The following ITGA1 variants were observed in gnomAD, a reference collection of about 807,000 sequenced individuals.
ITGA1 encodes integrin subunit alpha 1, also known as integrin alpha-1.
In ITGA1, 85 loss-of-function variants were observed where a neutral mutation model predicts 145.9. The ratio of observed to expected loss-of-function variants is 0.58; its 90% CI spans 0.49 to 0.70. The LOEUF (loss-of-function observed/expected upper bound fraction) is 0.70. Ranked by LOEUF, ITGA1 falls within the 30% of genes least tolerant of loss-of-function variation. ITGA1 has a pLI of 0.00. For missense variants in ITGA1, 1,351 were observed against 1,418.7 expected, an observed-to-expected ratio of 0.95 and a Z score of 0.77; for synonymous variants, 520 against 495.3, an observed-to-expected ratio of 1.05 and a Z score of -0.66.
intron 6 of ITGA1, among the ~76,000 whole-genome samples, chr5:52,877,864 G>T (rs1749891957): frequency 6.6e-6 from 1 of 152,196 alleles, no homozygotes; most frequent in Admixed American, 6.5e-5. Flanking sequence ...GGAATGCAGG[G>T]ACACAGTTGA....
chr5:52,848,392 T>A (rs756799345), intron 1 of ITGA1, among the ~76,000 whole-genome samples: 1 of 152,234 alleles, frequency 6.6e-6, no homozygotes, highest in Non-Finnish European at 1.5e-5. Context: ...CAGGGCTCAC[T>A]GCTGGAAAAC....
chr5:52,860,402 C>G lies in ITGA1; in HGVS notation c.183-1045C>G, dbSNP rs181558984. On this transcript the variant is annotated intron_variant, in intron 2 of 28. Coordinates refer to ENST00000282588, the MANE Select transcript of ITGA1 (RefSeq NM_181501.2). ...CTTTACTAAAAATACAAAAATTAGT[C>G]GGGCGTGGTGGCGTGCACCTGTAGT... 2.4e-3 allele frequency among the ~76,000 whole-genome samples: 361 copies of G among 151,884 alleles called. 4 individuals carry two copies. The highest frequency in any genetic ancestry group is 8.5e-3 in the African/African-American group (351 of 41,428).
intron 15 of ITGA1, among the ~76,000 whole-genome samples, chr5:52,918,015 A>G (rs1440469708): frequency 6.6e-6 from 1 of 152,172 alleles, no homozygotes; most frequent in Non-Finnish European, 1.5e-5. Context: ...ATCTAAGACA[A>G]TGACCTCAGT....
chr5:52,825,838 A>G (rs1464186440), intron 1 of ITGA1, among the ~76,000 whole-genome samples: 1 of 151,856 alleles, frequency 6.6e-6, no homozygotes, highest in Non-Finnish European at 1.5e-5. Flanking sequence ...GAATCGCTTG[A>G]ACCAGGGAGT....
intron 15 of ITGA1, 142 bp from the exon 16 acceptor site, chr5:52,918,590 G>A (rs998087190): frequency 3.1e-6 from 2 of 635,628 alleles, no homozygotes; most frequent in Non-Finnish European, 5.1e-6. Context: ...CTGTAACAAT[G>A]ATTAATTAAA....
chr5:52,871,615 T>TA (rs904492794), intron 6 of ITGA1, among the ~76,000 whole-genome samples: 12 of 132,342 alleles, frequency 9.1e-5, no homozygotes, highest in African/African-American at 2.9e-4. Flanking sequence ...AAAACAAAAA[T>TA]AAAAAAAAAG....
At chr5:52,828,853 G>A (rs538985307) in intron 1 of ITGA1, among the ~76,000 whole-genome samples, 6 of 152,232 alleles carry the variant, frequency 3.9e-5, no homozygotes, top group African/African-American at 1.4e-4. Flanking sequence ...GTTTCTGATG[G>A]TTCCTGGCAA....
chr5:52,906,931 T>A (rs1750417832), intron 12 of ITGA1, among the ~76,000 whole-genome samples: 1 of 152,210 alleles, frequency 6.6e-6, no homozygotes, highest in Admixed American at 6.5e-5. Flanking sequence ...GTATCTTTTA[T>A]GACAACACCA....
chr5:52,951,025 C>T (rs917435297), intron 28 of ITGA1, among the ~76,000 whole-genome samples: 4 of 152,056 alleles, frequency 2.6e-5, no homozygotes, highest in African/African-American at 7.2e-5. Context: ...GTTCCGTTAC[C>T]GCCTTTTCTT....
chr5:52,882,693 G>C (rs550633532), intron 7 of ITGA1, among the ~76,000 whole-genome samples: 2 of 152,258 alleles, frequency 1.3e-5, no homozygotes, highest in East Asian at 1.9e-4. Context: ...AGAACGAACA[G>C]AATTGTCCTC....
chr5:52,909,952 C>T (rs1407641700), intron 13 of ITGA1, among the ~76,000 whole-genome samples: 1 of 152,072 alleles, frequency 6.6e-6, no homozygotes, highest in East Asian at 1.9e-4. Context: ...AAAAGAGATT[C>T]CATTAAAGTA....
chr5:52,929,600 C>A, intron 20 of ITGA1, 25 bp from the exon 21 acceptor site: 1 of 1,224,984 alleles, frequency 8.2e-7, no homozygotes. Context: ...TTATCTGTTA[C>A]TAAAGACATA....
At chr5:52,942,013 C>T (rs1217791153) in intron 26 of ITGA1, among the ~76,000 whole-genome samples, 1 of 152,180 alleles carries the variant, frequency 6.6e-6, no homozygotes, top group Non-Finnish European at 1.5e-5. Context: ...GTTATCCCAA[C>T]ACCATTTTTT....
chr5:52,872,417 T>C (rs1749791088), intron 6 of ITGA1, among the ~76,000 whole-genome samples: 1 of 151,992 alleles, frequency 6.6e-6, no homozygotes, highest in Non-Finnish European at 1.5e-5. Flanking sequence ...CGAAGTGAGT[T>C]CAGAACATTT....
intron 6 of ITGA1, among the ~76,000 whole-genome samples, chr5:52,872,448 GA>G: frequency 6.6e-6 from 1 of 151,826 alleles, no homozygotes; most frequent in Non-Finnish European, 1.5e-5. Flanking sequence ...AAACAAAAAA[GA>G]AACAAATAAC....
chr5:52,925,537 G>A (rs748658575), intron 19 of ITGA1, 50 bp downstream of exon 19: 6 of 1,373,360 alleles, frequency 4.4e-6, no homozygotes, highest in African/African-American at 1.4e-5. Context: ...CATTTACCTG[G>A]CCTACTTTTC....
At chr5:52,849,624 G>T in intron 2 of ITGA1, 139 bp downstream of exon 2, 1 of 740,084 alleles carries the variant, frequency 1.4e-6, no homozygotes. Context: ...TAGTCATTTG[G>T]CAATGGAAGC....
In ITGA1 at chr5:52,822,468, C is replaced by T. The variant is rs147885611; in HGVS notation, c.62-26897C>T. On this transcript the variant is annotated intron_variant, in intron 1 of 28. Transcript: ENST00000282588. Reference sequence around the variant, plus strand: ...TCCGTTTGGACTGGGCAGAGCTAGACAATCTCAAACTCATAGAGGCATCTG... The same window carrying T: ...TCCGTTTGGACTGGGCAGAGCTAGATAATCTCAAACTCATAGAGGCATCTG... Among the ~76,000 whole-genome samples the T allele has an allele frequency of 1.3e-4, 20 of 152,330 alleles. No homozygotes were observed. In the East Asian group the frequency reaches 3.5e-3, roughly 26 times the overall value.
intron 11 of ITGA1, chr5:52,903,537 C>T (rs1381875777): frequency 6.6e-6 from 1 of 152,096 alleles, no homozygotes; most frequent in African/African-American, 2.4e-5. Flanking sequence ...GAATAGTGTT[C>T]CTTTAGCACT....
Sources: allele counts gnomAD v4.1 joint callset (sites outside exome capture counted in the v4.1 genomes callset), GRCh38; gene constraint gnomAD v4.1.1; transcripts MANE v1.5; gene names NCBI Gene and HGNC (gene_info 2026-07-23, HGNC 2026-07-21).